Variants in CENPW observed in about 807,000 individuals in gnomAD.
The protein encoded by CENPW is centromere protein W.
CENPW carries 3 observed loss-of-function variants against 11.1 expected under a neutral mutation model. The ratio of observed to expected loss-of-function variants is 0.27; its 90% confidence interval spans 0.12 to 0.70. CENPW has a LOEUF of 0.70. CENPW is among the 30% of genes least tolerant of loss of function. The pLI is 0.77. For missense variants in CENPW, 100 were observed against 105.6 expected (o/e 0.95, Z 0.23); for synonymous variants, 38 against 42.0 (o/e 0.91, Z 0.37).
At chr6:126,465,659 A>G in the CENPW span, among the ~76,000 whole-genome samples, 1 of 152,144 alleles carries the variant, frequency 6.6e-6, no homozygotes, top group Non-Finnish European at 1.5e-5. Context: ...TTTTTGACAT[A>G]AAGACAGAGA....
the CENPW span, among the ~76,000 whole-genome samples, chr6:126,393,817 T>C: frequency 6.6e-6 from 1 of 150,832 alleles, no homozygotes; most frequent in Non-Finnish European, 1.5e-5. Context: ...TATAAATACA[T>C]GTGCATCATG....
At chr6:126,348,882 G>A (rs1780458433), downstream of CENPW, 1 of 155,298 alleles carries the variant, frequency 6.4e-6, no homozygotes, top group South Asian at 2.0e-4. Flanking sequence ...AAAGGCAAAT[G>A]CAGTCAAATC....
At chr6:126,431,257 C>T in the CENPW span, among the ~76,000 whole-genome samples, 1 of 152,160 alleles carries the variant, frequency 6.6e-6, no homozygotes, top group African/African-American at 2.4e-5. Flanking sequence ...TTTTTCACCT[C>T]CTGAATGCTC....
chr6:126,419,745 A>T, the CENPW span, among the ~76,000 whole-genome samples: 1 of 152,102 alleles, frequency 6.6e-6, no homozygotes, highest in East Asian at 1.9e-4. Flanking sequence ...TACCTTCTAG[A>T]CACTTCCTGT....
chr6:126,470,917 T>C, the CENPW span, among the ~76,000 whole-genome samples: 2 of 152,262 alleles, frequency 1.3e-5, no homozygotes, highest in Admixed American at 1.3e-4. Flanking sequence ...ACCAGCATTA[T>C]ATCTTGGAAG....
the CENPW span, among the ~76,000 whole-genome samples, chr6:126,362,650 G>A: frequency 1.3e-5 from 2 of 152,242 alleles, no homozygotes; most frequent in East Asian, 1.9e-4. Flanking sequence ...AGTTCTGAGC[G>A]CACTAGTATC....
chr6:126,385,574 C>T, the CENPW span, among the ~76,000 whole-genome samples: 1 of 152,072 alleles, frequency 6.6e-6, no homozygotes, highest in Non-Finnish European at 1.5e-5. Context: ...TGTCCCCACC[C>T]AAATCTCATC....
At chr6:126,411,133 A>G in the CENPW span, among the ~76,000 whole-genome samples, 2 of 152,124 alleles carry the variant, frequency 1.3e-5, no homozygotes. Flanking sequence ...AGTGGCTTTC[A>G]TAGAGAAAGA....
the CENPW span, among the ~76,000 whole-genome samples, chr6:126,467,791 G>A: frequency 1.3e-5 from 2 of 152,056 alleles, no homozygotes; most frequent in African/African-American, 4.8e-5. Context: ...ATAAAAAGGG[G>A]CAAAAATGTA....
At chr6:126,386,497 G>A in the CENPW span, among the ~76,000 whole-genome samples, 1 of 151,944 alleles carries the variant, frequency 6.6e-6, no homozygotes, top group Admixed American at 6.6e-5. Flanking sequence ...GTCATCAGTT[G>A]CATTAGTCAA....
the CENPW span, among the ~76,000 whole-genome samples, chr6:126,475,784 A>G: frequency 6.6e-6 from 1 of 152,044 alleles, no homozygotes; most frequent in Non-Finnish European, 1.5e-5. Context: ...AAATACTGTT[A>G]TTATATATGT....
the CENPW span, among the ~76,000 whole-genome samples, chr6:126,408,692 C>T: frequency 6.6e-6 from 1 of 152,078 alleles, no homozygotes; most frequent in Non-Finnish European, 1.5e-5. Context: ...TGTATTTCTT[C>T]CTGGTTCAAT....
At chr6:126,406,363 T>C in the CENPW span, among the ~76,000 whole-genome samples, 1 of 152,168 alleles carries the variant, frequency 6.6e-6, no homozygotes, top group Non-Finnish European at 1.5e-5. Flanking sequence ...TATTGAGATA[T>C]TTTGGATCTA....
chr6:126,397,330 T>G, the CENPW span, among the ~76,000 whole-genome samples: 1 of 152,140 alleles, frequency 6.6e-6, no homozygotes, highest in Admixed American at 6.6e-5. Context: ...TCTGCTGTGA[T>G]AGGGAAGCAC....
chr6:126,351,697 A>G (rs1396127417), downstream of CENPW, among the ~76,000 whole-genome samples: 2 of 152,066 alleles, frequency 1.3e-5, no homozygotes, highest in African/African-American at 2.4e-5. Context: ...CTTTTTGGGA[A>G]AATCAGGGTG....
chr6:126,442,173 T>A, the CENPW span, among the ~76,000 whole-genome samples: 1 of 151,698 alleles, frequency 6.6e-6, no homozygotes. Context: ...AATCACATTG[T>A]GGTTTTGATT....
chr6:126,429,150 A>G, the CENPW span, among the ~76,000 whole-genome samples: 16 of 152,258 alleles, frequency 1.1e-4, no homozygotes, highest in African/African-American at 3.8e-4. Context: ...TTTTGTTATT[A>G]TATCTTCTTG....
chr6:126,351,313 C>A (rs1237345299), downstream of CENPW, among the ~76,000 whole-genome samples: 1 of 151,872 alleles, frequency 6.6e-6, no homozygotes, highest in Non-Finnish European at 1.5e-5. Flanking sequence ...TTTTGGGAGG[C>A]TTTCTTGTAG....
At chr6:126,459,166 A>G in the CENPW span, among the ~76,000 whole-genome samples, 1 of 151,298 alleles carries the variant, frequency 6.6e-6, no homozygotes, top group Non-Finnish European at 1.5e-5. Context: ...ATGCTAATGG[A>G]TTTTTTTAGC....
Sources: allele counts gnomAD v4.1 joint callset (sites outside exome capture counted in the v4.1 genomes callset), GRCh38; gene constraint gnomAD v4.1.1; transcripts MANE v1.5; gene names NCBI Gene and HGNC (gene_info 2026-07-23, HGNC 2026-07-21).